TRPC4: variants seen among roughly 807,000 people sequenced by gnomAD.
TRPC4 encodes the protein transient receptor potential cation channel subfamily C member 4.
TRPC4 carries 49 observed loss-of-function variants against 99.4 expected under a neutral mutation model. The ratio of observed to expected loss-of-function variants is 0.49; its 90% CI spans 0.39 to 0.63. The LOEUF (loss-of-function observed/expected upper bound fraction) is 0.63. Ranked by LOEUF, TRPC4 falls within the 20% of genes least tolerant of loss-of-function variation. TRPC4 has a pLI of 0.00. For synonymous variants in TRPC4, 454 were observed against 425.9 expected, an observed-to-expected ratio of 1.07 and a Z score of -0.81; for missense variants, 898 against 1,152.9, an observed-to-expected ratio of 0.78 and a Z score of 3.20.
At position 37,746,475 on chromosome 13, in the gene TRPC4, A is replaced by G. The variant is rs748112387; in HGVS notation, c.379-20T>C. Reference sequence around the variant, plus strand: ...AGGCACCTAAAAAAAAAAAAGGCAGAGGTGATGAATATTTATTCTTTTGTT... The same window carrying G: ...AGGCACCTAAAAAAAAAAAAGGCAGGGGTGATGAATATTTATTCTTTTGTT... On this transcript the variant is annotated intron_variant, in intron 2 of 10. Coordinates refer to ENST00000379705, the MANE Select transcript of TRPC4 (RefSeq NM_016179.4). 2.2e-5 allele frequency: 34 copies of G among 1,568,346 alleles called. No individual in the cohort carries two copies. The highest frequency in any genetic ancestry group is 2.8e-5 in the Non-Finnish European group (33 of 1,163,154).
At chr13:37,773,831 G>A (rs576958895) in intron 2 of TRPC4, among the ~76,000 whole-genome samples, 2 of 151,624 alleles carry the variant, frequency 1.3e-5, no homozygotes, top group South Asian at 2.1e-4. Context: ...AATTCACTTT[G>A]GTCTGTTTGC....
At chr13:37,865,610 C>T (rs1212546376) in intron 1 of TRPC4, among the ~76,000 whole-genome samples, 5 of 151,566 alleles carry the variant, frequency 3.3e-5, no homozygotes, top group African/African-American at 1.2e-4. Flanking sequence ...ATGATGGGGA[C>T]AGTTGTTTAT....
At chr13:37,747,607 C>T (rs548200327) in intron 2 of TRPC4, among the ~76,000 whole-genome samples, 6 of 152,086 alleles carry the variant, frequency 3.9e-5, no homozygotes, top group African/African-American at 7.2e-5. Context: ...TGGAGAAAAA[C>T]GACACTCATG....
chr13:37,747,869 T>TA (rs1233946326), intron 2 of TRPC4, among the ~76,000 whole-genome samples: 1 of 152,116 alleles, frequency 6.6e-6, no homozygotes, highest in East Asian at 1.9e-4. Context: ...CCTGTTAAGA[T>TA]AGTGTTTTAC....
At chr13:37,682,549 A>G (rs1953283750) in intron 4 of TRPC4, among the ~76,000 whole-genome samples, 1 of 152,204 alleles carries the variant, frequency 6.6e-6, no homozygotes, top group African/African-American at 2.4e-5. Context: ...AAGGACCCCA[A>G]GCATCCATGT....
chr13:37,764,503 A>G (rs1306373334), intron 2 of TRPC4, among the ~76,000 whole-genome samples: 1 of 151,330 alleles, frequency 6.6e-6, no homozygotes, highest in Non-Finnish European at 1.5e-5. Context: ...TTTTATGTAG[A>G]CAAATTATCT....
rs1424704631 is a variant in TRPC4 at position 37,675,611 on chromosome 13, G to A, written c.1235-1244C>T. On this transcript the variant is annotated intron_variant, in intron 4 of 10. Transcript: ENST00000379705. The stretch of plus-strand genomic sequence containing the variant: ...TCTCCAGGCTCCTCTCACCTAAGGA[G>A]CAAAACACTTTAGCCTTGTGGAAGA... Among the ~76,000 whole-genome samples, 3 of 152,192 alleles carry A rather than the reference G, an allele frequency of 2.0e-5. No homozygotes were observed. In the East Asian group the frequency reaches 5.8e-4, roughly 29 times the overall value.
intron 1 of TRPC4, among the ~76,000 whole-genome samples, chr13:37,863,956 C>T (rs1049564901): frequency 4.0e-5 from 6 of 151,534 alleles, no homozygotes; most frequent in Non-Finnish European, 5.9e-5. Flanking sequence ...AACTATGATC[C>T]CGGTATGCAA....
chr13:37,662,630 A>G (rs1952485049), intron 6 of TRPC4, among the ~76,000 whole-genome samples: 1 of 152,208 alleles, frequency 6.6e-6, no homozygotes, highest in Admixed American at 6.5e-5. Flanking sequence ...TCACCTACAA[A>G]ATGACTGTGT....
intron 4 of TRPC4, among the ~76,000 whole-genome samples, chr13:37,691,726 C>CA: frequency 6.6e-6 from 1 of 152,130 alleles, no homozygotes; most frequent in Admixed American, 6.5e-5. Context: ...TTTTAATAAA[C>CA]AAAAAACTCA....
At chr13:37,680,382 G>C (rs912401245) in intron 4 of TRPC4, among the ~76,000 whole-genome samples, 1 of 152,194 alleles carries the variant, frequency 6.6e-6, no homozygotes, top group African/African-American at 2.4e-5. Context: ...AACTCAACGA[G>C]CAATCAGCTT....
rs529437829 is a variant in TRPC4 at position 37,815,497 on chromosome 13, C to T, written c.-27-32137G>A. Among the ~76,000 whole-genome samples the T allele has an allele frequency of 2.2e-4, 33 of 151,774 alleles. No individual in the cohort carries two copies. The East Asian group carries it at 3.1e-3, about 14-fold the overall frequency. ...AATTTCAGACAAAACAGACTTTAAA[C>T]GACAGTGATCAAAAAAGACAAAGAA... On this transcript the variant is annotated intron_variant, in intron 1 of 10. Coordinates refer to ENST00000379705, the MANE Select transcript of TRPC4 (RefSeq NM_016179.4).
intron 2 of TRPC4, 42 bp from the exon 3 acceptor site, chr13:37,746,497 T>C (rs2139166750): frequency 6.5e-7 from 1 of 1,542,060 alleles, no homozygotes; most frequent in Non-Finnish European, 8.7e-7. Flanking sequence ...TTTATTCTTT[T>C]GTTCAAGTCT....
At position 37,843,280 on chromosome 13, in the gene TRPC4, AGTCACTCATCAAAT is replaced by A. The variant is rs1320346058; in HGVS notation, c.-28+26301_-28+26314del. Among the ~76,000 whole-genome samples, 6 of 152,348 alleles carry A rather than the reference AGTCACTCATCAAAT, an allele frequency of 3.9e-5. No individual in the cohort carries two copies. The East Asian group carries it at 9.6e-4, about 24-fold the overall frequency. Reference sequence around the variant, plus strand: ...TTCAGCATAGGGCCAACCACAGACTAGTCACTCATCAAATGTTAACTTTGTTACTTTGCTACCAT... The same window carrying A: ...TTCAGCATAGGGCCAACCACAGACTAGTTAACTTTGTTACTTTGCTACCAT... On this transcript the variant is annotated intron_variant, in intron 1 of 10. Coordinates refer to ENST00000379705, the MANE Select transcript of TRPC4 (RefSeq NM_016179.4).
At chr13:37,856,472 A>G (rs1466563350) in intron 1 of TRPC4, among the ~76,000 whole-genome samples, 1 of 151,370 alleles carries the variant, frequency 6.6e-6, no homozygotes, top group Non-Finnish European at 1.5e-5. Flanking sequence ...TGATACCCAT[A>G]CTACTCAGAC....
At chr13:37,835,842 T>C (rs187697166) in intron 1 of TRPC4, among the ~76,000 whole-genome samples, 192 of 152,304 alleles carry the variant, frequency 1.3e-3, no homozygotes, top group African/African-American at 4.6e-3. Flanking sequence ...TAAATACAAA[T>C]ATGCTCTAAC....
At chr13:37,822,886 A>C (rs1958057430) in intron 1 of TRPC4, among the ~76,000 whole-genome samples, 1 of 150,642 alleles carries the variant, frequency 6.6e-6, no homozygotes, top group Non-Finnish European at 1.5e-5. Context: ...CAGTCCCACC[A>C]ACAGTGTAAA....
At chr13:37,746,735 T>C (rs1340140150) in intron 2 of TRPC4, among the ~76,000 whole-genome samples, 1 of 152,122 alleles carries the variant, frequency 6.6e-6, no homozygotes. Flanking sequence ...ACTTGATGAA[T>C]GTCTTTATTT....
In TRPC4 at chr13:37,635,144, G is replaced by A. The variant is rs1051511374; in HGVS notation, c.*1759C>T. 1.2e-4 allele frequency among the ~76,000 whole-genome samples: 18 copies of A among 152,100 alleles called. No homozygotes were observed. The highest frequency in any genetic ancestry group is 2.9e-4 in the African/African-American group (12 of 41,424). On this transcript the variant is annotated 3_prime_UTR_variant, in exon 11 of 11. Transcript: ENST00000379705. Reference sequence around the variant, plus strand: ...TTGCTTTAGAAGAAGGGACTCTTATGAAGCATACCAAACTCATTCTCTCTC... The same window carrying A: ...TTGCTTTAGAAGAAGGGACTCTTATAAAGCATACCAAACTCATTCTCTCTC...
Sources: allele counts gnomAD v4.1 joint callset (sites outside exome capture counted in the v4.1 genomes callset), GRCh38; gene constraint gnomAD v4.1.1; transcripts MANE v1.5; gene names NCBI Gene and HGNC (gene_info 2026-07-23, HGNC 2026-07-21).